Variants in UBXN11 observed in about 807,000 individuals in gnomAD.
The protein encoded by UBXN11 is UBX domain-containing protein 11.
UBXN11 carries 47 observed loss-of-function variants against 62.8 expected under a neutral mutation model. The ratio of observed to expected loss-of-function variants is 0.75; its 90% CI spans 0.59 to 0.95. UBXN11 has a LOEUF of 0.95. Ranked by LOEUF, UBXN11 falls within the 40% of genes least tolerant of loss-of-function variation. The pLI is 0.00. For missense variants in UBXN11, 638 were observed against 661.7 expected, an observed-to-expected ratio of 0.96 and a Z score of 0.39; for synonymous variants, 294 against 267.0, an observed-to-expected ratio of 1.10 and a Z score of -0.99.
At chr1:26,297,396 G>A (rs1263446455) in intron 6 of UBXN11, 31 bp downstream of exon 6, 2 of 1,509,974 alleles carry the variant, frequency 1.3e-6, no homozygotes, top group Non-Finnish European at 1.8e-6. Flanking sequence ...CCTGACTGGG[G>A]GCGCAGGTCA....
intron 8 of UBXN11, among the ~76,000 whole-genome samples, chr1:26,287,490 G>C (rs532341335): frequency 6.6e-6 from 1 of 151,688 alleles, no homozygotes; most frequent in African/African-American, 2.4e-5. Flanking sequence ...ATCTGTTTGG[G>C]TGTGCCCTAC....
intron 1 of UBXN11, among the ~76,000 whole-genome samples, chr1:26,313,819 C>T (rs2073766333): frequency 6.9e-6 from 1 of 145,600 alleles, no homozygotes; most frequent in Non-Finnish European, 1.5e-5. Context: ...CTTGCTCCAT[C>T]GCCCAGGCTG....
chr1:26,310,492 C>T (rs914792442), upstream of UBXN11, among the ~76,000 whole-genome samples: 11 of 148,938 alleles, frequency 7.4e-5, no homozygotes, highest in African/African-American at 2.7e-4. Context: ...GAGCCAAGGT[C>T]GCATCACTGC....
intron 7 of UBXN11, among the ~76,000 whole-genome samples, chr1:26,295,109 A>G (rs1288507932): frequency 1.3e-5 from 2 of 152,182 alleles, no homozygotes; most frequent in Non-Finnish European, 2.9e-5. Context: ...CCAACCGTCC[A>G]CACTTGGATG....
Position 26,282,677 on chromosome 1 carries a change from C to A in UBXN11, c.1264G>T (p.Asp422Tyr). 6.2e-7 allele frequency: 1 copy of A among 1,614,162 alleles called. No homozygotes were observed. Among genetic ancestry groups the A allele is most frequent in the African/African-American group, 1.3e-5 (1 of 75,062 alleles). Residue 422 changes from aspartate to tyrosine, a missense_variant, in exon 14 of 15, where the codon GAC becomes TAC. Coordinates refer to ENST00000374222, the MANE Select transcript of UBXN11 (RefSeq NM_001389556.1). ...GCCTGCGCTAGCAGAGCTCGCACGT[C>A]CCCAATGGTGTTGTCAGGCTGCATC... ...LMMQPDNTIGDVRALLAQARV... is the reference protein window; with the variant it reads ...LMMQPDNTIGYVRALLAQARV...
chr1:26,302,611 T>TA (rs2124670084), intron 2 of UBXN11, among the ~76,000 whole-genome samples: 1 of 152,198 alleles, frequency 6.6e-6, no homozygotes, highest in East Asian at 1.9e-4. Context: ...CATACCTTAC[T>TA]AAAAGCACAA....
intron 7 of UBXN11, among the ~76,000 whole-genome samples, chr1:26,295,604 C>T (rs1418505991): frequency 6.6e-6 from 1 of 152,146 alleles, no homozygotes; most frequent in African/African-American, 2.4e-5. Flanking sequence ...GAAGTGGCAC[C>T]TTCCCTGTCT....
rs138828487 is a variant in UBXN11 at position 26,291,928 on chromosome 1, A to G, written c.559+2277T>C. On this transcript the variant is annotated intron_variant, in intron 8 of 14. Transcript: ENST00000374222. ...GCTTTGCTGTGTCCCAAGTGTACTC[A>G]GCATCTTTCCCGCAGCTGTGCTCCC... Among the ~76,000 whole-genome samples, 361 of 152,320 alleles carry G rather than the reference A, an allele frequency of 2.4e-3. 2 individuals are homozygous for G. The highest frequency in any genetic ancestry group is 3.8e-3 in the Non-Finnish European group (261 of 68,028).
chr1:26,285,732 G>A (rs912503344), intron 9 of UBXN11, 91 bp downstream of exon 9: 59 of 1,482,074 alleles, frequency 4.0e-5, no homozygotes, highest in Non-Finnish European at 4.8e-5. Context: ...TGGAGGGCAG[G>A]CTGGGCCTGG....
At position 26,301,674 on chromosome 1, in the gene UBXN11, C is replaced by T. The variant is rs374574236; in HGVS notation, c.100+20G>A. On this transcript the variant is annotated intron_variant, in intron 3 of 14. Transcript: ENST00000374222. ...AAGCACATGAGAGGCGAAGAGGGCACGAGGGCGGGGCACACTTACCATCTC... is the reference window on the plus strand; with the variant it reads ...AAGCACATGAGAGGCGAAGAGGGCATGAGGGCGGGGCACACTTACCATCTC... The T allele has an allele frequency of 4.3e-5, 70 of 1,613,472 alleles. No individual in the cohort carries two copies. The African/African-American group carries it at 4.8e-4, about 11-fold the overall frequency.
At chr1:26,286,235 C>T (rs999343479) in intron 8 of UBXN11, among the ~76,000 whole-genome samples, 198 bp from the exon 9 acceptor site, 5 of 152,214 alleles carry the variant, frequency 3.3e-5, no homozygotes, top group Non-Finnish European at 5.9e-5. Flanking sequence ...GGTTTACTAT[C>T]CATATTCCAT....
intron 4 of UBXN11, among the ~76,000 whole-genome samples, chr1:26,298,511 C>G (rs114127818): frequency 6.6e-6 from 1 of 152,080 alleles, no homozygotes; most frequent in Non-Finnish European, 1.5e-5. Context: ...TAGCCAGGGC[C>G]GGGCATGCGG....
intron 1 of UBXN11, among the ~76,000 whole-genome samples, chr1:26,304,071 T>C (rs2073604987): frequency 6.6e-6 from 1 of 152,196 alleles, no homozygotes; most frequent in African/African-American, 2.4e-5. Context: ...CCAAATTTTT[T>C]AGGACAAATC....
intron 1 of UBXN11, among the ~76,000 whole-genome samples, chr1:26,304,019 A>G (rs2073603255): frequency 1.3e-5 from 2 of 152,164 alleles, no homozygotes; most frequent in African/African-American, 2.4e-5. Context: ...GACCTCCCAA[A>G]GTGCTGGGAT....
At chr1:26,308,095 C>T (rs181674616), upstream of UBXN11, among the ~76,000 whole-genome samples, 126 of 151,798 alleles carry the variant, frequency 8.3e-4, no homozygotes, top group African/African-American at 2.7e-3. Flanking sequence ...GGAGAAACCC[C>T]GTCTCTACTA....
chr1:26,297,082 G>C (rs1448004889), intron 6 of UBXN11, 87 bp from the exon 7 acceptor site: 1 of 1,448,756 alleles, frequency 6.9e-7, no homozygotes, highest in African/African-American at 1.4e-5. Context: ...TGGAGAAGCT[G>C]TTCTGGGGAT....
intron 1 of UBXN11, among the ~76,000 whole-genome samples, chr1:26,315,529 G>C (rs977530681): frequency 2.0e-5 from 3 of 152,206 alleles, no homozygotes; most frequent in East Asian, 3.8e-4. Flanking sequence ...GAGACCTCTG[G>C]GTGAAAGGGC....
At chr1:26,293,940 T>C (rs990056701) in intron 8 of UBXN11, among the ~76,000 whole-genome samples, 24 of 152,134 alleles carry the variant, frequency 1.6e-4, no homozygotes, top group Non-Finnish European at 5.9e-5. Flanking sequence ...AAGGCCTTGC[T>C]ACCTCTTGTA....
At chr1:26,297,103 C>T in intron 6 of UBXN11, 108 bp from the exon 7 acceptor site, 1 of 1,310,136 alleles carries the variant, frequency 7.6e-7, no homozygotes, top group Non-Finnish European at 1.1e-6. Context: ...CCCCCAAGAA[C>T]TGCCTCTTGG....
Sources: allele counts gnomAD v4.1 joint callset (sites outside exome capture counted in the v4.1 genomes callset), GRCh38; gene constraint gnomAD v4.1.1; transcripts MANE v1.5; gene names NCBI Gene and HGNC (gene_info 2026-07-23, HGNC 2026-07-21).